Variants in FARS2 observed in about 807,000 individuals in gnomAD.
The protein encoded by FARS2 is phenylalanine--tRNA ligase, mitochondrial.
In FARS2, 40 loss-of-function variants were observed where a neutral mutation model predicts 46.4. The observed-to-expected ratio is 0.86, with a 90% CI of 0.67 to 1.12. The LOEUF (loss-of-function observed/expected upper bound fraction) is 1.12. Among genes scored for constraint, FARS2 ranks in the 50% most tolerant of loss-of-function variants. The pLI is 0.00. For missense variants in FARS2, 513 were observed against 567.9 expected, an observed-to-expected ratio of 0.90 and a Z score of 0.98; for synonymous variants, 234 against 214.9, an observed-to-expected ratio of 1.09 and a Z score of -0.78.
intron 6 of FARS2, among the ~76,000 whole-genome samples, chr6:5,752,027 A>G (rs751146787): frequency 1.3e-5 from 2 of 152,118 alleles, no homozygotes; most frequent in Non-Finnish European, 2.9e-5. Flanking sequence ...GTGAGGAGCC[A>G]GGCTCACTTC....
chr6:5,320,364 A>C (rs1418464987), intron 1 of FARS2, among the ~76,000 whole-genome samples: 1 of 152,220 alleles, frequency 6.6e-6, no homozygotes, highest in Non-Finnish European at 1.5e-5. Context: ...AAAACAGAGT[A>C]AGAGGAGCTG....
At chr6:5,509,500 T>C (rs546064332) in intron 4 of FARS2, among the ~76,000 whole-genome samples, 2 of 152,338 alleles carry the variant, frequency 1.3e-5, no homozygotes, top group South Asian at 4.1e-4. Flanking sequence ...GTTTTTACAA[T>C]TCCAGTGCAG....
At chr6:5,564,071 A>G (rs1323682747) in intron 5 of FARS2, among the ~76,000 whole-genome samples, 4 of 152,190 alleles carry the variant, frequency 2.6e-5, no homozygotes, top group Non-Finnish European at 5.9e-5. Flanking sequence ...TTTGTCAACT[A>G]TTATCCCTGC....
chr6:5,595,585 A>G (rs1774152710), intron 5 of FARS2, among the ~76,000 whole-genome samples: 2 of 152,294 alleles, frequency 1.3e-5, no homozygotes, highest in African/African-American at 4.8e-5. Context: ...CCCTGCCCCT[A>G]ACACTTGCCA....
At chr6:5,430,265 T>C (rs76964306) in intron 3 of FARS2, among the ~76,000 whole-genome samples, 2,172 of 152,290 alleles carry the variant, frequency 0.014, 59 homozygotes, top group African/African-American at 0.049. Flanking sequence ...ATCAAGCTCC[T>C]AGGTGACCCT....
At chr6:5,431,470 A>G (rs896365283) in intron 4 of FARS2, among the ~76,000 whole-genome samples, 4 of 152,206 alleles carry the variant, frequency 2.6e-5, no homozygotes, top group Admixed American at 6.5e-5. Context: ...TAATTGCCCC[A>G]AAGACATTTG....
intron 4 of FARS2, among the ~76,000 whole-genome samples, chr6:5,468,180 T>C (rs1765616477): frequency 6.6e-6 from 1 of 152,170 alleles, no homozygotes; most frequent in African/African-American, 2.4e-5. Flanking sequence ...TCATGGAAAC[T>C]CTTTGTGTCA....
chr6:5,447,952 C>CT lies in FARS2; in HGVS notation c.904+16784dup, dbSNP rs966222433. On this transcript the variant is annotated intron_variant, in intron 4 of 6. Transcript: ENST00000274680. ...CAGAAGAATTACCTTGAAGAGTGTT[C>CT]TTTTACCTTCGTCTTGAAGAATGCA... 1.1e-3 allele frequency among the ~76,000 whole-genome samples: 162 copies of CT among 152,372 alleles called. 1 individual carries two copies. The highest frequency in any genetic ancestry group is 1.8e-3 in the Admixed American group (27 of 15,308).
chr6:5,364,190 G>A (rs1395960283), intron 1 of FARS2, among the ~76,000 whole-genome samples: 6 of 151,960 alleles, frequency 3.9e-5, no homozygotes, highest in Non-Finnish European at 5.9e-5. Flanking sequence ...TACACACTGG[G>A]CAATGAGTTA....
chr6:5,523,804 G>C (rs539966898), intron 4 of FARS2, among the ~76,000 whole-genome samples: 5 of 152,166 alleles, frequency 3.3e-5, no homozygotes, highest in Non-Finnish European at 7.4e-5. Flanking sequence ...GGGTTTGTCA[G>C]GTATGGATGA....
chr6:5,689,434 T>A (rs1457310238), intron 6 of FARS2, among the ~76,000 whole-genome samples: 1 of 152,212 alleles, frequency 6.6e-6, no homozygotes, highest in African/African-American at 2.4e-5. Flanking sequence ...ACATCTTTAT[T>A]TCTGCCTTCA....
At chr6:5,585,586 T>C (rs1773569654) in intron 5 of FARS2, among the ~76,000 whole-genome samples, 1 of 152,120 alleles carries the variant, frequency 6.6e-6, no homozygotes, top group African/African-American at 2.4e-5. Flanking sequence ...TTTATATGTC[T>C]GGCCTATTTC....
chr6:5,459,971 C>T (rs775941183), intron 4 of FARS2, among the ~76,000 whole-genome samples: 1 of 152,194 alleles, frequency 6.6e-6, no homozygotes, highest in Non-Finnish European at 1.5e-5. Flanking sequence ...CATGTCTTCC[C>T]TACCCTAACA....
chr6:5,510,728 A>G (rs566952231), intron 4 of FARS2, among the ~76,000 whole-genome samples: 1 of 152,332 alleles, frequency 6.6e-6, no homozygotes, highest in East Asian at 1.9e-4. Context: ...TATGTAGTAG[A>G]ACGGGTTCCC....
intron 5 of FARS2, among the ~76,000 whole-genome samples, chr6:5,578,731 C>A (rs1259724843): frequency 6.7e-6 from 1 of 149,794 alleles, no homozygotes; most frequent in Non-Finnish European, 1.5e-5. Flanking sequence ...ATGGTGTGAA[C>A]CCAGGAGGCA....
At chr6:5,610,908 GTATGTCCACTAGC>G (rs1480884865) in intron 5 of FARS2, among the ~76,000 whole-genome samples, 1 of 152,220 alleles carries the variant, frequency 6.6e-6, no homozygotes, top group African/African-American at 2.4e-5. Context: ...CACCGACGTG[GTATGTCCACTAGC>G]TCACGCAGTT....
intron 1 of FARS2, among the ~76,000 whole-genome samples, chr6:5,281,950 G>T (rs1420846714): frequency 6.6e-6 from 1 of 152,138 alleles, no homozygotes; most frequent in Non-Finnish European, 1.5e-5. Context: ...TAAGTGACAG[G>T]TGGTAAAATG....
chr6:5,511,800 A>G (rs1468809900), intron 4 of FARS2, among the ~76,000 whole-genome samples: 2 of 152,192 alleles, frequency 1.3e-5, no homozygotes, highest in African/African-American at 4.8e-5. Context: ...TAGAAGTCTC[A>G]TAAGCACCCC....
chr6:5,254,270 A>G, the FARS2 span, among the ~76,000 whole-genome samples: 2 of 152,220 alleles, frequency 1.3e-5, no homozygotes, highest in Non-Finnish European at 2.9e-5. Context: ...ACTTCTCGCT[A>G]ACCAACTTCC....
Sources: allele counts gnomAD v4.1 joint callset (sites outside exome capture counted in the v4.1 genomes callset), GRCh38; gene constraint gnomAD v4.1.1; transcripts MANE v1.5; gene names NCBI Gene and HGNC (gene_info 2026-07-23, HGNC 2026-07-21).